Variants in RHBDL2 observed in about 807,000 individuals in gnomAD.
The protein encoded by RHBDL2 is rhomboid-related protein 2.
Under a neutral mutation model 31.7 loss-of-function variants are expected in RHBDL2, and 26 were observed. That is an observed-to-expected ratio of 0.82 (90% CI 0.60 to 1.14). The LOEUF (loss-of-function observed/expected upper bound fraction) is 1.14. Among genes scored for constraint, RHBDL2 ranks in the 50% most tolerant of loss-of-function variants. The probability of loss-of-function intolerance (pLI) is 0.00; values close to 1 mark genes in which losing one functional copy is unlikely to be tolerated. For missense variants in RHBDL2, 336 were observed against 364.4 expected (o/e 0.92, Z 0.63); for synonymous variants, 123 against 127.2 (o/e 0.97, Z 0.22).
chr1:38,903,378 G>A lies in RHBDL2; in HGVS notation c.509-7309C>T, dbSNP rs186316532. ...TGGTCTCGAGCTCCTGACCTCAGGC[G>A]ATCCACCTGCCTCAGCCTCCCAAAG... On this transcript the variant is annotated intron_variant, in intron 4 of 7. Coordinates refer to ENST00000372990, the MANE Select transcript of RHBDL2 (RefSeq NM_017821.5). Among the ~76,000 whole-genome samples the A allele has an allele frequency of 2.7e-3, 403 of 152,000 alleles. 1 individual carries two copies. Among genetic ancestry groups the A allele is most frequent in the African/African-American group, 8.7e-3 (361 of 41,446 alleles).
At chr1:38,893,017 T>C (rs1408528995) in intron 6 of RHBDL2, 147 bp downstream of exon 6, 4 of 472,244 alleles carry the variant, frequency 8.5e-6, no homozygotes, top group Non-Finnish European at 1.5e-5. Context: ...GCCTTTTCTT[T>C]TGTACTTCAG....
intron 4 of RHBDL2, among the ~76,000 whole-genome samples, chr1:38,910,311 C>G (rs1488822833): frequency 6.6e-6 from 1 of 152,122 alleles, no homozygotes; most frequent in African/African-American, 2.4e-5. Flanking sequence ...TGATACAGTA[C>G]TAATGTTTTG....
chr1:38,924,323 A>C (rs1643348253), intron 1 of RHBDL2, among the ~76,000 whole-genome samples: 1 of 152,272 alleles, frequency 6.6e-6, no homozygotes, highest in Non-Finnish European at 1.5e-5. Flanking sequence ...GGCTGGGCAC[A>C]GTGGCTCACG....
At chr1:38,927,965 A>G (rs75150656) in intron 1 of RHBDL2, among the ~76,000 whole-genome samples, 9,303 of 152,120 alleles carry the variant, frequency 0.061, 494 homozygotes, top group African/African-American at 0.14. Context: ...AAGCCCCCAC[A>G]TGTTCCACAG....
chr1:38,886,773 C>A, intron 7 of RHBDL2, 90 bp from the exon 8 acceptor site: 2 of 1,071,300 alleles, frequency 1.9e-6, no homozygotes, highest in Non-Finnish European at 2.6e-6. Flanking sequence ...ACACAAATAC[C>A]GTCACAGTTA....
intron 1 of RHBDL2, among the ~76,000 whole-genome samples, chr1:38,940,933 G>A (rs1043552058): frequency 6.6e-6 from 1 of 152,150 alleles, no homozygotes. Flanking sequence ...TGAGGCTCAG[G>A]AGGTAAACAG....
intron 1 of RHBDL2, among the ~76,000 whole-genome samples, chr1:38,938,101 T>G (rs1643528986): frequency 6.6e-6 from 1 of 151,910 alleles, no homozygotes; most frequent in African/African-American, 2.4e-5. Context: ...CACTACAACC[T>G]CTGCCTCCTG....
At chr1:38,891,741 C>T (rs1570911847) in intron 6 of RHBDL2, among the ~76,000 whole-genome samples, 1 of 152,248 alleles carries the variant, frequency 6.6e-6, no homozygotes, top group Non-Finnish European at 1.5e-5. Flanking sequence ...AGAGTCCCTT[C>T]CCACAGACAT....
At position 38,912,972 on chromosome 1, in the gene RHBDL2, G is replaced by GTA. The variant is rs1643176241; in HGVS notation, c.396-1539_396-1538insTA. Among the ~76,000 whole-genome samples, 4 of 141,626 alleles carry GTA rather than the reference G, an allele frequency of 2.8e-5. No individual in the cohort carries two copies. The South Asian group carries it at 8.8e-4, about 31-fold the overall frequency. The allele number at this position is 141,626 out of a possible 152,430, so 92.9% of individuals were successfully genotyped here. A position where few individuals can be genotyped will look rare whatever the true frequency, so the allele number is the denominator to read the frequency against. ...TGTATTTACATATACACGTGTGTGTGTGTGTGTGTGTATTTTTTTTTTTTT... is the reference window on the plus strand; with the variant it reads ...TGTATTTACATATACACGTGTGTGTGTATGTGTGTGTGTATTTTTTTTTTTTT... On this transcript the variant is annotated intron_variant, in intron 3 of 7. Transcript: ENST00000372990.
At chr1:38,931,852 T>C (rs1005936154) in intron 1 of RHBDL2, among the ~76,000 whole-genome samples, 5 of 152,174 alleles carry the variant, frequency 3.3e-5, no homozygotes, top group Non-Finnish European at 7.3e-5. Flanking sequence ...TTAGGGCTAT[T>C]CAGTTCCCAG....
intron 1 of RHBDL2, chr1:38,929,388 G>A (rs1373395855): frequency 7.8e-7 from 1 of 1,289,022 alleles, no homozygotes; most frequent in Admixed American, 2.3e-5. Flanking sequence ...GACTAAATCA[G>A]GCTCACCTTC....
At chr1:38,915,268 G>A (rs765859238) in intron 3 of RHBDL2, among the ~76,000 whole-genome samples, 16 of 151,588 alleles carry the variant, frequency 1.1e-4, no homozygotes, top group Non-Finnish European at 1.9e-4. Context: ...GGGACTACAG[G>A]TATGCATCAC....
At chr1:38,889,012 T>C (rs1553157573) in intron 6 of RHBDL2, among the ~76,000 whole-genome samples, 1 of 152,146 alleles carries the variant, frequency 6.6e-6, no homozygotes, top group Non-Finnish European at 1.5e-5. Context: ...GTAGGGTCTA[T>C]ATGGGCCATT....
chr1:38,909,937 GA>G (rs1643117907), intron 4 of RHBDL2, among the ~76,000 whole-genome samples: 1 of 152,054 alleles, frequency 6.6e-6, no homozygotes, highest in South Asian at 2.1e-4. Context: ...GCCAAAAACT[GA>G]AACAACTCAG....
intron 1 of RHBDL2, chr1:38,926,900 A>AC (rs1384325995): frequency 6.6e-6 from 1 of 152,364 alleles, no homozygotes; most frequent in East Asian, 1.9e-4. Context: ...TATACTAAAA[A>AC]CCGGACCAAT....
At chr1:38,898,065 A>C (rs1364333849) in intron 4 of RHBDL2, among the ~76,000 whole-genome samples, 3 of 152,160 alleles carry the variant, frequency 2.0e-5, no homozygotes, top group Non-Finnish European at 4.4e-5. Context: ...CTGGAGGTGG[A>C]GGTTGCAGTG....
chr1:38,920,125 C>G (rs551350673), intron 1 of RHBDL2, among the ~76,000 whole-genome samples: 4 of 150,824 alleles, frequency 2.7e-5, no homozygotes, highest in Non-Finnish European at 5.9e-5. Context: ...ATGTACCATC[C>G]AGTATGTGGC....
At chr1:38,902,854 T>C (rs376938107) in intron 4 of RHBDL2, among the ~76,000 whole-genome samples, 3 of 152,104 alleles carry the variant, frequency 2.0e-5, no homozygotes, top group African/African-American at 7.2e-5. Flanking sequence ...GCCCAGCCCC[T>C]AACCACAGTT....
At chr1:38,896,507 A>G (rs190722240) in intron 4 of RHBDL2, among the ~76,000 whole-genome samples, 5 of 152,346 alleles carry the variant, frequency 3.3e-5, no homozygotes, top group African/African-American at 9.6e-5. Context: ...AGGTTGGTGC[A>G]AAAGTAATTG....
Sources: gnomAD v4.1 joint callset for allele counts (sites outside exome capture counted in the v4.1 genomes callset) on GRCh38, gnomAD v4.1.1 for gene constraint, MANE v1.5 for transcripts, NCBI Gene and HGNC (gene_info 2026-07-23, HGNC 2026-07-21) for gene names.